RBM23: variants seen among roughly 807,000 people sequenced by gnomAD.
The protein encoded by RBM23 is probable RNA-binding protein 23.
RBM23 carries 53 observed loss-of-function variants against 56.2 expected under a neutral mutation model. That is an observed-to-expected ratio of 0.94 (90% CI 0.76 to 1.19). The LOEUF is 1.19. Among genes scored for constraint, RBM23 ranks in the 50% most tolerant of loss-of-function variants. The pLI is 0.00. For missense variants in RBM23, 642 were observed against 590.3 expected (o/e 1.09, Z -0.91); for synonymous variants, 197 against 198.5 (o/e 0.99, Z 0.06).
At chr14:22,907,106 G>A (rs4981445) in intron 4 of RBM23, among the ~76,000 whole-genome samples, 70,131 of 151,398 alleles carry the variant, frequency 0.46, 19,830 homozygotes, top group East Asian at 0.79. Context: ...CCTGGGAGGC[G>A]GAGGTTGCAG....
In RBM23 at chr14:22,900,722, C is replaced by T. The variant is rs766338376; in HGVS notation, c.*1008G>A. On this transcript the variant is annotated 3_prime_UTR_variant, in exon 14 of 14. Coordinates refer to ENST00000359890, the MANE Select transcript of RBM23 (RefSeq NM_001077351.2). ...GAAGTTGTCAGACACACAACAAAGA[C>T]CACACACAAATGGGCAACAGCTGCC... The T allele has an allele frequency of 1.3e-5, 2 of 152,186 alleles. No homozygotes were observed. The highest frequency in any genetic ancestry group is 4.1e-4 in the South Asian group (2 of 4,826). 9.4% of individuals were successfully genotyped at this position (152,186 alleles called of 1,614,324 possible). A position where few individuals can be genotyped will look rare whatever the true frequency, so the allele number is the denominator to read the frequency against.
At chr14:22,912,718 G>C (rs993294290) in intron 1 of RBM23, among the ~76,000 whole-genome samples, 1 of 152,166 alleles carries the variant, frequency 6.6e-6, no homozygotes, top group South Asian at 2.1e-4. Flanking sequence ...GGCCAGGCGC[G>C]GTGGCTCATG....
At chr14:22,912,910 G>GT (rs2042792403) in intron 1 of RBM23, among the ~76,000 whole-genome samples, 1 of 140,946 alleles carries the variant, frequency 7.1e-6, no homozygotes, top group Admixed American at 7.4e-5. Context: ...TGAGGCAGGA[G>GT]TATCACTTGA....
chr14:22,901,982 G>A lies in RBM23; in HGVS notation c.1244C>T (p.Thr415Ile), dbSNP rs1468400517. 3 of 1,611,718 alleles carry A rather than the reference G, an allele frequency of 1.9e-6. No homozygotes were observed. Among genetic ancestry groups the A allele is most frequent in the Middle Eastern group, 1.7e-4 (1 of 6,054 alleles). Residue 415 changes from threonine to isoleucine, a missense_variant and splice_region_variant, in exon 12 of 14, where the codon ACT becomes ATT. Transcript: ENST00000359890. ...TCCTTTCCCATGTCCAAGACTACCA[G>A]TCAGAGCTGCTGGATTCAGGGCCCC... ...PLGALNPAAL[T>I]ALSPALNLAS...
chr14:22,901,822 G>A lies in RBM23; in HGVS notation c.1308C>T (p.Pro436=), dbSNP rs761776556. The A allele has an allele frequency of 1.8e-5, 29 of 1,614,082 alleles. No individual in the cohort carries two copies. The highest frequency in any genetic ancestry group is 2.7e-5 in the African/African-American group (2 of 74,934). ...TAGACCCTGAGACTCACATGGTCTGGGGGGTAAAGAGGCTGGAGAGCTGGA... is the reference window on the plus strand; with the variant it reads ...TAGACCCTGAGACTCACATGGTCTGAGGGGTAAAGAGGCTGGAGAGCTGGA... ...QCFQLSSLFT[P]QTM is the part of the protein sequence containing the mutation. Residue 436 remains proline (P), a synonymous_variant, in exon 13 of 14, where the codon CCC becomes CCT. Transcript: ENST00000359890.
At chr14:22,916,825 T>A (rs1037482479) in intron 1 of RBM23, among the ~76,000 whole-genome samples, 1 of 152,168 alleles carries the variant, frequency 6.6e-6, no homozygotes, top group Non-Finnish European at 1.5e-5. Flanking sequence ...CTTAAAGGTA[T>A]TAGACTAATA....
At chr14:22,913,089 AAGG>A (rs1448546065) in intron 1 of RBM23, among the ~76,000 whole-genome samples, 1 of 149,874 alleles carries the variant, frequency 6.7e-6, no homozygotes, top group African/African-American at 2.4e-5. Flanking sequence ...GGATAGAAGT[AAGG>A]GGAAGGGCTG....
chr14:22,901,339 A>C lies in RBM23; in HGVS notation c.*391T>G. On this transcript the variant is annotated 3_prime_UTR_variant, in exon 14 of 14. Coordinates refer to ENST00000359890, the MANE Select transcript of RBM23 (RefSeq NM_001077351.2). ...TCCTAAGGGTTTTCCTTGACAGACT[A>C]AAGGTTAAAGGTACAGGAAAAGGAG... 3.9e-6 allele frequency: 1 copy of C among 254,092 alleles called. No homozygotes were observed. The highest frequency in any genetic ancestry group is 7.6e-6 in the Non-Finnish European group (1 of 131,926). 15.7% of individuals were successfully genotyped at this position (254,092 alleles called of 1,614,324 possible).
rs1279161229 is a variant in RBM23 at position 22,897,639 on chromosome 14, G to T, written c.*4091C>A. The T allele has an allele frequency of 6.6e-6, 1 of 152,256 alleles. No homozygotes were observed. The highest frequency in any genetic ancestry group is 2.4e-5 in the African/African-American group (1 of 41,458). The allele number at this position is 152,256 out of a possible 1,614,324, so 9.4% of individuals were successfully genotyped here. A position where few individuals can be genotyped will look rare whatever the true frequency, so the allele number is the denominator to read the frequency against. On this transcript the variant is annotated 3_prime_UTR_variant, in exon 14 of 14. Coordinates refer to ENST00000359890, the MANE Select transcript of RBM23 (RefSeq NM_001077351.2). Reference sequence around the variant, plus strand: ...AACACTGTCACTCAAGATAAGCAAAGACATGGCAGTGGAAAAATTCTGAGT... The same window carrying T: ...AACACTGTCACTCAAGATAAGCAAATACATGGCAGTGGAAAAATTCTGAGT...
Position 22,898,952 on chromosome 14 carries a change from G to A in RBM23, c.*2778C>T, listed in dbSNP as rs1428806839. ...AGCCAGCAGCTTCTACCTAAAAATAGTGCATCCTCCTTCCCTTTTCCCCCG... is the reference window on the plus strand; with the variant it reads ...AGCCAGCAGCTTCTACCTAAAAATAATGCATCCTCCTTCCCTTTTCCCCCG... On this transcript the variant is annotated 3_prime_UTR_variant, in exon 14 of 14. Transcript: ENST00000359890. 1.3e-5 allele frequency: 2 copies of A among 152,130 alleles called. No homozygotes were observed. Among genetic ancestry groups the A allele is most frequent in the African/African-American group, 4.8e-5 (2 of 41,414 alleles). The allele number at this position is 152,130 out of a possible 1,614,324, so 9.4% of individuals were successfully genotyped here. A position where few individuals can be genotyped will look rare whatever the true frequency, so the allele number is the denominator to read the frequency against.
In RBM23 at chr14:22,897,268, G is replaced by C. The variant is rs2040262674; in HGVS notation, c.*4462C>G. 1 of 152,128 alleles carries C rather than the reference G, an allele frequency of 6.6e-6. No homozygotes were observed. The highest frequency in any genetic ancestry group is 6.5e-5 in the Admixed American group (1 of 15,268). 9.4% of individuals were successfully genotyped at this position (152,128 alleles called of 1,614,324 possible). On this transcript the variant is annotated 3_prime_UTR_variant, in exon 14 of 14. Coordinates refer to ENST00000359890, the MANE Select transcript of RBM23 (RefSeq NM_001077351.2). ...ATCAGGCTGTAACCATCAAGTAATG[G>C]AGTTTTCAATAAAATAATTTTTATT... is the stretch of plus-strand genomic sequence containing the variant.
intron 4 of RBM23, 49 bp downstream of exon 4, chr14:22,908,284 T>G: frequency 6.5e-7 from 1 of 1,541,856 alleles, no homozygotes; most frequent in African/African-American, 1.4e-5. Context: ...GCTTCCAAAG[T>G]GCTAGGATTA....
rs565000082 is a variant in RBM23 at position 22,899,948 on chromosome 14, C to T, written c.*1782G>A. The T allele has an allele frequency of 6.6e-6, 1 of 152,252 alleles. No homozygotes were observed. Among genetic ancestry groups the T allele is most frequent in the South Asian group, 2.1e-4 (1 of 4,822 alleles). 9.4% of individuals were successfully genotyped at this position (152,252 alleles called of 1,614,324 possible). A position where few individuals can be genotyped will look rare whatever the true frequency, so the allele number is the denominator to read the frequency against. ...GATCAAAAAAGGAGCCCCACAGAGC[C>T]CTGCCCCTGAATTCAGGCCTTCTCA... On this transcript the variant is annotated 3_prime_UTR_variant, in exon 14 of 14. Transcript: ENST00000359890.
At position 22,896,730 on chromosome 14, in the gene RBM23, T is replaced by A. The variant is rs1222724705; in HGVS notation, c.*5000A>T. On this transcript the variant is annotated 3_prime_UTR_variant, in exon 14 of 14. Transcript: ENST00000359890. ...TTGAAGTGATCTTTGCTCAGCTCTT[T>A]CCTTGCACCCACCTTCCCACGTGAT... 1.3e-5 allele frequency: 2 copies of A among 152,256 alleles called. No individual in the cohort carries two copies. The highest frequency in any genetic ancestry group is 2.9e-5 in the Non-Finnish European group (2 of 68,058). 9.4% of individuals were successfully genotyped at this position (152,256 alleles called of 1,614,324 possible).
rs767571938 is a variant in RBM23, at chr14:22,902,252, C to T, written c.1061G>A (p.Gly354Glu). The T allele has an allele frequency of 6.2e-7, 1 of 1,614,212 alleles. No individual in the cohort carries two copies. Among genetic ancestry groups the T allele is most frequent in the South Asian group, 1.1e-5 (1 of 91,084 alleles). ...DGGTDITFPD[G>E]DQELDLGSAG... ...TGATCCCAGATCCAGCTCCTGGTCC[C>T]CATCAGGAAAAGTGATGTCTGTGCC... The change falls in exon 11 of 14, where the codon GGG becomes GAG. Residue 354 changes from glycine to glutamate, a missense_variant. Transcript: ENST00000359890.
rs577104837 is a variant in RBM23 at position 22,901,309 on chromosome 14, A to T, written c.*421T>A. The T allele has an allele frequency of 2.1e-5, 4 of 192,914 alleles. No homozygotes were observed. The highest frequency in any genetic ancestry group is 3.2e-5 in the Non-Finnish European group (3 of 93,670). 12.0% of individuals were successfully genotyped at this position (192,914 alleles called of 1,614,324 possible). On this transcript the variant is annotated 3_prime_UTR_variant, in exon 14 of 14. Transcript: ENST00000359890. ...CCCACAAACTCAGTCCTCTTGATTC[A>T]GAGGTCCTAAGGGTTTTCCTTGACA... is the stretch of plus-strand genomic sequence containing the variant.
rs771814279 is a variant in RBM23, at chr14:22,905,187, G to A, written c.633C>T (p.Tyr211=). ...CAGACTGGATTTCACAGAATTCCAC[G>A]TAGGCAATGCCCTTAGAACGACGTG... is the stretch of plus-strand genomic sequence containing the variant. ...RNSRRSKGIA[Y]VEFCEIQSVP... is the part of the protein sequence containing the mutation. Residue 211 remains tyrosine (Y), a synonymous_variant, in exon 8 of 14, where the codon TAC becomes TAT. Transcript: ENST00000359890. The A allele has an allele frequency of 1.5e-5, 25 of 1,614,166 alleles. No individual in the cohort carries two copies. Among genetic ancestry groups the A allele is most frequent in the Middle Eastern group, 3.3e-4 (2 of 6,062 alleles).
intron 1 of RBM23, among the ~76,000 whole-genome samples, chr14:22,912,870 CG>C (rs1207727201): frequency 2.6e-5 from 4 of 151,608 alleles, no homozygotes; most frequent in African/African-American, 9.7e-5. Context: ...CGTGGTGGCA[CG>C]CGCCTGTAGG....
chr14:22,918,111 T>C (rs1183629868), intron 1 of RBM23, among the ~76,000 whole-genome samples: 1 of 152,140 alleles, frequency 6.6e-6, no homozygotes, highest in African/African-American at 2.4e-5. Flanking sequence ...AATGGTCCTA[T>C]AGGCCGGGCG....
Sources: allele counts gnomAD v4.1 joint callset (sites outside exome capture counted in the v4.1 genomes callset), GRCh38; gene constraint gnomAD v4.1.1; transcripts MANE v1.5; gene names NCBI Gene and HGNC (gene_info 2026-07-23, HGNC 2026-07-21).